CDH13: variants seen among roughly 807,000 people sequenced by gnomAD.
The protein encoded by CDH13 is cadherin-13.
CDH13 carries 24 observed loss-of-function variants against 63.8 expected under a neutral mutation model. The observed-to-expected ratio is 0.38, with a 90% confidence interval of 0.27 to 0.53. CDH13 has a LOEUF of 0.53. Ranked by LOEUF, CDH13 falls within the 20% of genes least tolerant of loss-of-function variation. CDH13 has a pLI of 0.85. For missense variants in CDH13, 1,049 were observed against 903.1 expected (o/e 1.16, Z -2.07); for synonymous variants, 503 against 355.3 (o/e 1.42, Z -4.67).
intron 3 of CDH13, among the ~76,000 whole-genome samples, chr16:83,069,763 G>T (rs1246347977): frequency 1.3e-5 from 2 of 152,178 alleles, no homozygotes; most frequent in Non-Finnish European, 2.9e-5. Flanking sequence ...ACCCTGTTCA[G>T]AGTGGACAGG....
Position 83,798,617 on chromosome 16 carries a change from T to G in CDH13, c.*3587T>G, listed in dbSNP as rs1374216619. ...TCAGGCTATCTGGCTCCAGGGTTCA[T>G]GTTCTTCCGACAACATCACAATGCC... On this transcript the variant is annotated 3_prime_UTR_variant, in exon 14 of 14. Transcript: ENST00000567109. 1 of 152,186 alleles carries G rather than the reference T, an allele frequency of 6.6e-6. No homozygotes were observed. The highest frequency in any genetic ancestry group is 1.5e-5 in the Non-Finnish European group (1 of 68,038). The allele number at this position is 152,186 out of a possible 1,614,324, so 9.4% of individuals were successfully genotyped here.
intron 1 of CDH13, among the ~76,000 whole-genome samples, chr16:82,822,034 T>C (rs2038028039): frequency 6.6e-6 from 1 of 152,168 alleles, no homozygotes; most frequent in African/African-American, 2.4e-5. Flanking sequence ...GGGTATTGAG[T>C]TCTTACTACA....
At chr16:82,881,807 C>A (rs768245715) in intron 2 of CDH13, among the ~76,000 whole-genome samples, 6 of 152,048 alleles carry the variant, frequency 3.9e-5, no homozygotes, top group African/African-American at 1.2e-4. Context: ...TGTCCCCCTG[C>A]GATACGATAG....
chr16:82,685,281 G>T (rs1255403106), intron 1 of CDH13, among the ~76,000 whole-genome samples: 1 of 152,166 alleles, frequency 6.6e-6, no homozygotes, highest in African/African-American at 2.4e-5. Flanking sequence ...TTTAGTGTCT[G>T]GTGAGGTCCC....
rs1323595791 is a variant in CDH13 at position 83,125,496 on chromosome 16, G to A, written c.478G>A (p.Gly160Ser). The part of the protein sequence containing the change: ...NQRQPFPRDV[G>S]KVVDSDRPER... ...GAGACAGCCTTTCCCAAGAGATGTT[G>A]GCAAGGTAAGTCAGACAAACAGCAA... Residue 160 changes from glycine to serine, a missense_variant, in exon 4 of 14, where the codon GGC becomes AGC. Coordinates refer to ENST00000567109, the MANE Select transcript of CDH13 (RefSeq NM_001257.5). 1 of 1,557,912 alleles carries A rather than the reference G, an allele frequency of 6.4e-7. No homozygotes were observed. Among genetic ancestry groups the A allele is most frequent in the Non-Finnish European group, 8.9e-7 (1 of 1,129,402 alleles).
At chr16:83,762,209 A>G (rs1168762657) in intron 11 of CDH13, among the ~76,000 whole-genome samples, 1 of 152,212 alleles carries the variant, frequency 6.6e-6, no homozygotes, top group East Asian at 1.9e-4. Flanking sequence ...TTAATCCTAT[A>G]GATTAATAAG....
At chr16:83,510,892 AT>A (rs2074541030) in intron 7 of CDH13, among the ~76,000 whole-genome samples, 1 of 152,246 alleles carries the variant, frequency 6.6e-6, no homozygotes, top group Admixed American at 6.5e-5. Flanking sequence ...GCATTTCAGG[AT>A]TTGGAATTTC....
At chr16:82,778,245 G>A (rs1274622652) in intron 1 of CDH13, among the ~76,000 whole-genome samples, 2 of 152,112 alleles carry the variant, frequency 1.3e-5, no homozygotes, top group Non-Finnish European at 2.9e-5. Flanking sequence ...GCATGCTCTG[G>A]TACCTCTCTT....
chr16:83,337,572 C>T (rs1021210160), intron 5 of CDH13, among the ~76,000 whole-genome samples: 4 of 150,922 alleles, frequency 2.7e-5, no homozygotes, highest in East Asian at 3.9e-4. Flanking sequence ...CTCTGTCTCC[C>T]TCACCATATT....
intron 4 of CDH13, among the ~76,000 whole-genome samples, chr16:83,173,311 G>A (rs1324983714): frequency 6.6e-6 from 1 of 152,070 alleles, no homozygotes; most frequent in Non-Finnish European, 1.5e-5. Flanking sequence ...GTTCTCAAAA[G>A]TTTAGAAGGT....
chr16:82,926,225 C>T (rs2042300310), intron 2 of CDH13, among the ~76,000 whole-genome samples: 1 of 150,788 alleles, frequency 6.6e-6, no homozygotes, highest in African/African-American at 2.4e-5. Context: ...TGTGCAAAAG[C>T]ACCCTAGACA....
rs553260990 is a variant in CDH13, at chr16:83,459,976, C to T, written c.782-26501C>T. ...TAAAAGAAAAGGTAGAGATTGAAGA[C>T]GTTATCTTTTAAAAGATACTCACAG... is the stretch of plus-strand genomic sequence containing the variant. On this transcript the variant is annotated intron_variant, in intron 6 of 13. Transcript: ENST00000567109. Among the ~76,000 whole-genome samples, 5 of 152,176 alleles carry T rather than the reference C, an allele frequency of 3.3e-5. No homozygotes were observed. In the South Asian group the frequency reaches 8.3e-4, roughly 25 times the overall value.
intron 7 of CDH13, among the ~76,000 whole-genome samples, chr16:83,583,418 A>AT (rs770928124): frequency 2.0e-5 from 3 of 152,182 alleles, no homozygotes; most frequent in Non-Finnish European, 4.4e-5. Flanking sequence ...AGTTCCTTTG[A>AT]TTTTAAAGCT....
At chr16:83,392,904 G>T (rs1567640290) in intron 6 of CDH13, among the ~76,000 whole-genome samples, 1 of 151,310 alleles carries the variant, frequency 6.6e-6, no homozygotes, top group Non-Finnish European at 1.5e-5. Flanking sequence ...TCTGGGTCAG[G>T]CAAGAGGCTG....
chr16:83,113,995 C>T (rs557942009), intron 3 of CDH13, among the ~76,000 whole-genome samples: 34 of 152,136 alleles, frequency 2.2e-4, no homozygotes, highest in Non-Finnish European at 4.7e-4. Flanking sequence ...ATCTCGCTGG[C>T]TGCTGAAGAG....
intron 6 of CDH13, among the ~76,000 whole-genome samples, chr16:83,394,383 T>C (rs2091845368): frequency 6.6e-6 from 1 of 150,534 alleles, no homozygotes; most frequent in Admixed American, 6.6e-5. Context: ...GGCGAGAGAG[T>C]GAGCCACGTG....
At chr16:83,497,338 AG>A (rs2074169607) in intron 7 of CDH13, among the ~76,000 whole-genome samples, 1 of 152,148 alleles carries the variant, frequency 6.6e-6, no homozygotes, top group South Asian at 2.1e-4. Context: ...GCCATAAAAA[AG>A]GATGAGTTCA....
chr16:83,214,010 A>T (rs993899042), intron 4 of CDH13, among the ~76,000 whole-genome samples: 10 of 152,120 alleles, frequency 6.6e-5, no homozygotes, highest in African/African-American at 2.4e-4. Context: ...CACTCTGTAA[A>T]ATAGACCAAT....
intron 3 of CDH13, among the ~76,000 whole-genome samples, chr16:83,106,153 A>T (rs13329881): frequency 5.3e-5 from 8 of 152,306 alleles, no homozygotes; most frequent in African/African-American, 1.9e-4. Context: ...AGGAATTCTC[A>T]TTACAGAAAA....
Sources: gnomAD v4.1 joint callset for allele counts (sites outside exome capture counted in the v4.1 genomes callset) on GRCh38, gnomAD v4.1.1 for gene constraint, MANE v1.5 for transcripts, NCBI Gene and HGNC (gene_info 2026-07-23, HGNC 2026-07-21) for gene names.